Variants in EFCAB8 observed in about 807,000 individuals in gnomAD.
EFCAB8 encodes the protein EF-hand calcium binding domain 8.
Under a neutral mutation model 116.3 loss-of-function variants are expected in EFCAB8, and 100 were observed. That is an observed-to-expected ratio of 0.86 (90% CI 0.73 to 1.02). The LOEUF is 1.02. Ranked by LOEUF, EFCAB8 falls within the 50% of genes least tolerant of loss-of-function variation. The pLI is 0.00. For synonymous variants in EFCAB8, 558 were observed against 567.9 expected (o/e 0.98, Z 0.25); for missense variants, 1,320 against 1,416.9 (o/e 0.93, Z 1.10).
At chr20:32,958,061 A>AT (rs1308181623) in intron 23 of EFCAB8, among the ~76,000 whole-genome samples, 1 of 151,958 alleles carries the variant, frequency 6.6e-6, no homozygotes, top group African/African-American at 2.4e-5. Flanking sequence ...CCCAAATCTC[A>AT]TATCTGATGG....
Position 32,919,926 on chromosome 20 carries a change from C to T in EFCAB8, c.2275-152C>T, listed in dbSNP as rs573496380. On this transcript the variant is annotated intron_variant, in intron 19 of 26. Coordinates refer to ENST00000400522, the MANE Select transcript of EFCAB8 (RefSeq NM_001143967.2). The stretch of plus-strand genomic sequence containing the variant: ...GCTGGGAGCTTAAAGTGGAGGTTTC[C>T]GGGATCCACTGAGCGCTGCTTTTCC... Among the ~76,000 whole-genome samples, 8 of 152,234 alleles carry T rather than the reference C, an allele frequency of 5.3e-5. No homozygotes were observed. The East Asian group carries it at 1.4e-3, about 26-fold the overall frequency.
intron 22 of EFCAB8, among the ~76,000 whole-genome samples, chr20:32,940,028 CCTTCCTTCCTTCCTTCCTTCCTTCCTT>C (rs1988351118): frequency 1.6e-5 from 1 of 62,652 alleles, no homozygotes; most frequent in African/African-American, 7.1e-5. Flanking sequence ...TCCCTCCCTT[CCTTCCTTCCTTCCTTCCTTCCTTCCTT>C]CCTTCCTTCC....
Position 32,930,520 on chromosome 20 carries a change from T to C in EFCAB8, c.2535T>C (p.Pro845=). 1.9e-6 allele frequency: 3 copies of C among 1,552,316 alleles called. No individual in the cohort carries two copies. The South Asian group carries it at 3.6e-5, about 18-fold the overall frequency. The change falls in exon 21 of 27, where the codon CCT becomes CCC. Residue 845 remains proline, a synonymous_variant. Transcript: ENST00000400522. ...ATGGAGGCCTGCTGGGGAAGTTCCC[T>C]GTGGACCTAGACAATGGGGATGTTG... The part of the protein sequence containing the change: ...HENGGLLGKF[P]VDLDNGDVVV...
chr20:32,873,454 A>G (rs1320950000), intron 3 of EFCAB8, among the ~76,000 whole-genome samples: 3 of 152,004 alleles, frequency 2.0e-5, no homozygotes, highest in Admixed American at 1.3e-4. Flanking sequence ...TTGCAGACAG[A>G]TCCCCTTATA....
intron 8 of EFCAB8, 145 bp from the exon 9 acceptor site, chr20:32,893,029 T>G (rs1985994093): frequency 1.1e-6 from 1 of 898,160 alleles, no homozygotes; most frequent in Admixed American, 2.6e-5. Flanking sequence ...TTAGTAGAGA[T>G]GAGGTTTCAC....
Position 32,961,685 on chromosome 20 carries a change from C to A in EFCAB8, c.*76C>A. The A allele has an allele frequency of 1.1e-6, 1 of 885,610 alleles. No homozygotes were observed. Among genetic ancestry groups the A allele is most frequent in the Non-Finnish European group, 1.5e-6 (1 of 661,628 alleles). The allele number at this position is 885,610 out of a possible 1,614,324, so 54.9% of individuals were successfully genotyped here. On this transcript the variant is annotated 3_prime_UTR_variant, in exon 27 of 27. Transcript: ENST00000400522. ...CGGTCCTGCATGTTCTCGGCTTATTCCCTACCAGACCCAGAGGATGTGGCT... is the reference window on the plus strand; with the variant it reads ...CGGTCCTGCATGTTCTCGGCTTATTACCTACCAGACCCAGAGGATGTGGCT...
intron 2 of EFCAB8, 142 bp downstream of exon 2, chr20:32,863,976 A>T: frequency 1.0e-6 from 1 of 961,538 alleles, no homozygotes; most frequent in Non-Finnish European, 1.5e-6. Flanking sequence ...CAGGTAACTT[A>T]AGTGTATTTT....
In EFCAB8 at chr20:32,869,538, G is replaced by T. The variant is rs149497070; in HGVS notation, c.208+1791G>T. ...GGCGTGAGCTGCTGTGCCTGGCCAGGTGTTGCAATCTTATATAACAAATCA... is the reference window on the plus strand; with the variant it reads ...GGCGTGAGCTGCTGTGCCTGGCCAGTTGTTGCAATCTTATATAACAAATCA... On this transcript the variant is annotated intron_variant, in intron 3 of 26. Coordinates refer to ENST00000400522, the MANE Select transcript of EFCAB8 (RefSeq NM_001143967.2). Among the ~76,000 whole-genome samples the T allele has an allele frequency of 1.9e-3, 283 of 152,208 alleles. 1 individual carries two copies. The highest frequency in any genetic ancestry group is 6.3e-3 in the African/African-American group (261 of 41,550).
intron 1 of EFCAB8, among the ~76,000 whole-genome samples, chr20:32,859,528 A>G (rs1224334146): frequency 1.3e-5 from 2 of 152,170 alleles, no homozygotes; most frequent in Non-Finnish European, 2.9e-5. Context: ...CTGTTCATGA[A>G]CATACATAGA....
intron 20 of EFCAB8, among the ~76,000 whole-genome samples, chr20:32,929,211 G>T (rs565614892): frequency 4.0e-5 from 6 of 151,778 alleles, no homozygotes; most frequent in Non-Finnish European, 7.4e-5. Flanking sequence ...AATGAGTTAG[G>T]AAGTGTTATC....
At chr20:32,887,663 C>G (rs1985700088) in intron 6 of EFCAB8, among the ~76,000 whole-genome samples, 1 of 152,230 alleles carries the variant, frequency 6.6e-6, no homozygotes, top group Non-Finnish European at 1.5e-5. Flanking sequence ...AGTGGGCTGG[C>G]CTCCCTCTTC....
intron 13 of EFCAB8, 84 bp downstream of exon 13, chr20:32,907,078 G>A (rs2146237499): frequency 1.4e-6 from 2 of 1,443,616 alleles, no homozygotes; most frequent in East Asian, 2.5e-5. Flanking sequence ...CCCTGCCCAC[G>A]GCCCCACATC....
rs143293637 is a variant in EFCAB8, at chr20:32,944,235, T to C, written c.2959+431T>C. Among the ~76,000 whole-genome samples the C allele has an allele frequency of 4.5e-3, 691 of 152,260 alleles. 1 individual carries two copies. Among genetic ancestry groups the C allele is most frequent in the Non-Finnish European group, 7.5e-3 (513 of 68,014 alleles). On this transcript the variant is annotated intron_variant, in intron 23 of 26. Coordinates refer to ENST00000400522, the MANE Select transcript of EFCAB8 (RefSeq NM_001143967.2). ...CACTACTGTAATCCCAACACTTTTT[T>C]GTCCCCTTTTCCTCCTGTGCTGTCT... is the stretch of plus-strand genomic sequence containing the variant.
At chr20:32,929,138 CTT>C (rs111348902) in intron 20 of EFCAB8, among the ~76,000 whole-genome samples, 2 of 145,446 alleles carry the variant, frequency 1.4e-5, no homozygotes, top group Admixed American at 6.9e-5. Flanking sequence ...TCTCTGTAGT[CTT>C]TTTTTTTTTC....
intron 23 of EFCAB8, among the ~76,000 whole-genome samples, chr20:32,951,042 T>C (rs548115204): frequency 6.6e-6 from 1 of 152,360 alleles, no homozygotes; most frequent in South Asian, 2.1e-4. Flanking sequence ...CGCTGTAAGA[T>C]ACCATTTATC....
intron 17 of EFCAB8, among the ~76,000 whole-genome samples, chr20:32,914,794 A>T (rs920034618): frequency 1.3e-5 from 2 of 152,196 alleles, no homozygotes; most frequent in Non-Finnish European, 2.9e-5. Context: ...ATTCAAGATG[A>T]GGTTTGGGTG....
chr20:32,918,489 C>A lies in EFCAB8; in HGVS notation c.2189C>A (p.Thr730Asn). 6.4e-7 allele frequency: 1 copy of A among 1,551,746 alleles called. No individual in the cohort carries two copies. The highest frequency in any genetic ancestry group is 8.7e-7 in the Non-Finnish European group (1 of 1,147,000). Reference sequence around the variant, plus strand: ...CTCAGCCCCGAGTCTGTGGCCAATACCAACCTGAGGCGGAGCCTGGTGTCG... The same window carrying A: ...CTCAGCCCCGAGTCTGTGGCCAATAACAACCTGAGGCGGAGCCTGGTGTCG... ...SSLSPESVAN[T>N]NLRRSLVSAP... is the part of the protein sequence containing the mutation. The change falls in exon 19 of 27, where the codon ACC becomes AAC. Residue 730 changes from threonine to asparagine, a missense_variant. Thr to Asn is a moderately conservative substitution (Grantham distance 65). Coordinates refer to ENST00000400522, the MANE Select transcript of EFCAB8 (RefSeq NM_001143967.2).
In EFCAB8 at chr20:32,863,879, A is replaced by G. The variant is rs544209763; in HGVS notation, c.42+45A>G. The G allele has an allele frequency of 2.6e-5, 40 of 1,546,558 alleles. No individual in the cohort carries two copies. In the East Asian group the frequency reaches 9.1e-4, roughly 35 times the overall value. The stretch of plus-strand genomic sequence containing the variant: ...GAACTAATAAAGGGTGGGGCATTCC[A>G]GAGTCACCCAAAACCTCACTTACCA... On this transcript the variant is annotated intron_variant, in intron 2 of 26. Transcript: ENST00000400522.
intron 1 of EFCAB8, among the ~76,000 whole-genome samples, chr20:32,861,524 G>C (rs962807495): frequency 2.0e-5 from 3 of 152,116 alleles, no homozygotes; most frequent in Non-Finnish European, 4.4e-5. Flanking sequence ...CCTGACATCA[G>C]GTGATCCGTC....
Sources: gnomAD v4.1 joint callset for allele counts (sites outside exome capture counted in the v4.1 genomes callset) on GRCh38, gnomAD v4.1.1 for gene constraint, MANE v1.5 for transcripts, NCBI Gene and HGNC (gene_info 2026-07-23, HGNC 2026-07-21) for gene names.